The following CDYL variants were observed in gnomAD, a reference collection of about 807,000 sequenced individuals.
CDYL encodes the protein chromodomain Y-like protein.
In CDYL, 8 loss-of-function variants were observed where a neutral mutation model predicts 47.3. The ratio of observed to expected loss-of-function variants is 0.17; its 90% CI spans 0.10 to 0.31. CDYL has a LOEUF of 0.31. Among genes scored for constraint, CDYL ranks in the 10% least tolerant of loss-of-function variants. The pLI, the probability that CDYL is intolerant of heterozygous loss-of-function variation, is 1.00. For synonymous variants in CDYL, 266 were observed against 265.0 expected (o/e 1.00, Z -0.04); for missense variants, 471 against 701.4 (o/e 0.67, Z 3.71).
At chr6:4,736,927 A>C (rs1757713882) in intron 3 of CDYL, among the ~76,000 whole-genome samples, 1 of 152,186 alleles carries the variant, frequency 6.6e-6, no homozygotes, top group South Asian at 2.1e-4. Flanking sequence ...TGGGACAAGC[A>C]ACTCTGAGAT....
intron 1 of CDYL, among the ~76,000 whole-genome samples, chr6:4,871,408 T>C (rs1192244629): frequency 6.6e-6 from 1 of 152,222 alleles, no homozygotes; most frequent in African/African-American, 2.4e-5. Flanking sequence ...TTTTGGATTT[T>C]GGATTTTCAG....
intron 2 of CDYL, among the ~76,000 whole-genome samples, chr6:4,914,998 G>C (rs141831655): frequency 1.3e-5 from 2 of 152,342 alleles, no homozygotes; most frequent in African/African-American, 4.8e-5. Context: ...ACTGTGCCCT[G>C]CCTGTGGTTT....
intron 3 of CDYL, chr6:4,734,936 A>C: frequency 6.4e-7 from 1 of 1,551,556 alleles, no homozygotes; most frequent in South Asian, 1.2e-5. Flanking sequence ...CTCTCCCTTT[A>C]CATCTGTCCT....
intron 4 of CDYL, among the ~76,000 whole-genome samples, chr6:4,939,024 A>T (rs772753438): frequency 2.0e-5 from 3 of 152,200 alleles, no homozygotes; most frequent in Non-Finnish European, 2.9e-5. Flanking sequence ...CTAAAATGAC[A>T]TATCCCCAGG....
chr6:4,859,417 C>A (rs1489706396), intron 1 of CDYL, among the ~76,000 whole-genome samples: 4 of 152,078 alleles, frequency 2.6e-5, no homozygotes. Flanking sequence ...GTTGCCCTTG[C>A]ATCACAGAAG....
intron 1 of CDYL, among the ~76,000 whole-genome samples, chr6:4,792,958 C>G (rs915452773): frequency 6.6e-6 from 1 of 152,208 alleles, no homozygotes; most frequent in Non-Finnish European, 1.5e-5. Context: ...TTTGCCACCT[C>G]TGTCATAGAT....
chr6:4,854,021 T>C (rs1417129074), intron 1 of CDYL, among the ~76,000 whole-genome samples: 1 of 152,242 alleles, frequency 6.6e-6, no homozygotes, highest in Non-Finnish European at 1.5e-5. Flanking sequence ...GAGCTCCTGC[T>C]CGTGGTGAGT....
At chr6:4,886,244 G>C (rs1220555287) in intron 1 of CDYL, among the ~76,000 whole-genome samples, 1 of 152,168 alleles carries the variant, frequency 6.6e-6, no homozygotes, top group Non-Finnish European at 1.5e-5. Flanking sequence ...TTTTCTTTCT[G>C]TTGGGTAGAT....
At chr6:4,747,255 A>T (rs935225963) in intron 3 of CDYL, among the ~76,000 whole-genome samples, 2 of 147,714 alleles carry the variant, frequency 1.4e-5, no homozygotes, top group African/African-American at 2.6e-5. Flanking sequence ...TGCAGTGAGC[A>T]GAGATTGTGC....
At chr6:4,917,339 T>C (rs1261924887) in intron 2 of CDYL, among the ~76,000 whole-genome samples, 1 of 152,174 alleles carries the variant, frequency 6.6e-6, no homozygotes. Flanking sequence ...CAGAACTGAG[T>C]ATGTGGCTTG....
At chr6:4,928,381 A>T (rs1157370123) in intron 2 of CDYL, among the ~76,000 whole-genome samples, 2 of 151,912 alleles carry the variant, frequency 1.3e-5, no homozygotes, top group African/African-American at 4.8e-5. Flanking sequence ...AGGATTATGG[A>T]TGTTTTCTTT....
At chr6:4,741,687 C>G (rs749280178) in intron 3 of CDYL, among the ~76,000 whole-genome samples, 1 of 152,196 alleles carries the variant, frequency 6.6e-6, no homozygotes, top group Non-Finnish European at 1.5e-5. Context: ...CCTGACCATA[C>G]TTAATGGTCA....
chr6:4,783,202 C>T (rs1758662937), intron 1 of CDYL, among the ~76,000 whole-genome samples: 2 of 145,446 alleles, frequency 1.4e-5, no homozygotes. Flanking sequence ...TTAAGTGTAT[C>T]CTTTAGAGAT....
At chr6:4,710,109 C>A (rs1425770068) in intron 1 of CDYL, among the ~76,000 whole-genome samples, 1 of 152,030 alleles carries the variant, frequency 6.6e-6, no homozygotes, top group African/African-American at 2.4e-5. Context: ...GTAATCCCAG[C>A]TACTCAGGAG....
intron 2 of CDYL, among the ~76,000 whole-genome samples, chr6:4,905,168 G>A (rs1561700512): frequency 6.6e-6 from 1 of 152,158 alleles, no homozygotes; most frequent in Non-Finnish European, 1.5e-5. Context: ...ACTGAACCTG[G>A]GTTTACGTGA....
At chr6:4,943,256 G>A (rs1349916988) in intron 4 of CDYL, among the ~76,000 whole-genome samples, 3 of 152,150 alleles carry the variant, frequency 2.0e-5, no homozygotes, top group Non-Finnish European at 4.4e-5. Flanking sequence ...GAGCCCGAGA[G>A]CCACCTGCAA....
intron 1 of CDYL, among the ~76,000 whole-genome samples, chr6:4,888,176 A>G (rs1761949438): frequency 6.6e-6 from 1 of 152,066 alleles, no homozygotes; most frequent in Non-Finnish European, 1.5e-5. Context: ...TTGTTTTGGT[A>G]TTAGGTAAAT....
In CDYL at chr6:4,806,004, G is replaced by A. The variant is rs537880435; in HGVS notation, c.24+29197G>A. Reference sequence around the variant, plus strand: ...GGGGCAGCTGCAGCAAGCCGCTGGCGCAGGAGCATGAGGAAGGAGCTGAGA... The same window carrying A: ...GGGGCAGCTGCAGCAAGCCGCTGGCACAGGAGCATGAGGAAGGAGCTGAGA... On this transcript the variant is annotated intron_variant, in intron 1 of 6. Transcript: ENST00000397588. 9.2e-5 allele frequency among the ~76,000 whole-genome samples: 14 copies of A among 152,364 alleles called. No homozygotes were observed. In the South Asian group the frequency reaches 1.7e-3, roughly 18 times the overall value.
intron 3 of CDYL, among the ~76,000 whole-genome samples, chr6:4,770,446 T>G (rs1040008881): frequency 6.6e-6 from 1 of 152,242 alleles, no homozygotes; most frequent in Non-Finnish European, 1.5e-5. Flanking sequence ...CTATGATTTT[T>G]ATTAGGTGCT....
Sources: gnomAD v4.1 joint callset for allele counts (sites outside exome capture counted in the v4.1 genomes callset) on GRCh38, gnomAD v4.1.1 for gene constraint, MANE v1.5 for transcripts, NCBI Gene and HGNC (gene_info 2026-07-23, HGNC 2026-07-21) for gene names.